MKLN1: variants seen among roughly 807,000 people sequenced by gnomAD.
The protein encoded by MKLN1 is muskelin.
In MKLN1, 18 loss-of-function variants were observed where a neutral mutation model predicts 99.0. The observed-to-expected ratio is 0.18, with a 90% CI of 0.13 to 0.27. The LOEUF (loss-of-function observed/expected upper bound fraction) is 0.27. Among genes scored for constraint, MKLN1 ranks in the 10% least tolerant of loss-of-function variants. MKLN1 has a pLI of 1.00. For synonymous variants in MKLN1, 288 were observed against 293.2 expected (o/e 0.98, Z 0.18); for missense variants, 621 against 875.9 (o/e 0.71, Z 3.67).
At chr7:131,294,762 C>T (rs933584005) in intron 3 of MKLN1, among the ~76,000 whole-genome samples, 1 of 152,206 alleles carries the variant, frequency 6.6e-6, no homozygotes, top group African/African-American at 2.4e-5. Flanking sequence ...AGCTTGTGTG[C>T]GTTTCCCAGA....
chr7:131,292,800 G>C (rs1472600739), intron 3 of MKLN1, among the ~76,000 whole-genome samples: 1 of 152,110 alleles, frequency 6.6e-6, no homozygotes, highest in East Asian at 1.9e-4. Context: ...GAAACTAATG[G>C]GGAACAGGAC....
At chr7:131,216,210 G>A (rs1584841647) in intron 3 of MKLN1, among the ~76,000 whole-genome samples, 1 of 151,976 alleles carries the variant, frequency 6.6e-6, no homozygotes, top group African/African-American at 2.4e-5. Flanking sequence ...GACTAGCCTG[G>A]CCAACATGGT....
intron 3 of MKLN1, among the ~76,000 whole-genome samples, chr7:131,251,689 T>C (rs1029453787): frequency 3.3e-5 from 5 of 149,976 alleles, no homozygotes; most frequent in African/African-American, 7.4e-5. Context: ...TTTTTTGAGA[T>C]AAGGTCTTAC....
chr7:131,208,874 G>C (rs1410713802), intron 3 of MKLN1, among the ~76,000 whole-genome samples: 2 of 152,178 alleles, frequency 1.3e-5, no homozygotes, highest in African/African-American at 4.8e-5. Flanking sequence ...AGGTAAATAT[G>C]ATGTGTTAGA....
At chr7:131,300,111 AGAT>A (rs941790264) in intron 3 of MKLN1, among the ~76,000 whole-genome samples, 3 of 152,140 alleles carry the variant, frequency 2.0e-5, no homozygotes, top group African/African-American at 7.2e-5. Flanking sequence ...GGAGTGGGAA[AGAT>A]GATGAAGCAG....
intron 3 of MKLN1, among the ~76,000 whole-genome samples, chr7:131,260,752 A>C (rs1026847857): frequency 8.5e-5 from 13 of 152,180 alleles, no homozygotes; most frequent in Admixed American, 8.5e-4. Flanking sequence ...AACAGAATAG[A>C]GAGGGCTACA....
At chr7:131,243,269 T>A (rs966812600) in intron 3 of MKLN1, among the ~76,000 whole-genome samples, 9 of 152,198 alleles carry the variant, frequency 5.9e-5, no homozygotes, top group South Asian at 4.1e-4. Flanking sequence ...TACACCTATG[T>A]CTAGCCATGT....
At chr7:131,182,420 GGAATCAGGA>G (rs1305189648) in intron 2 of MKLN1, among the ~76,000 whole-genome samples, 1 of 152,170 alleles carries the variant, frequency 6.6e-6, no homozygotes, top group East Asian at 1.9e-4. Context: ...AACTAGATGA[GGAATCAGGA>G]GTTTACATAA....
intron 2 of MKLN1, among the ~76,000 whole-genome samples, chr7:131,176,771 AT>A (rs2116347883): frequency 6.6e-6 from 1 of 152,330 alleles, no homozygotes; most frequent in South Asian, 2.1e-4. Flanking sequence ...GTGCTCTTGA[AT>A]TCTGTAGTAG....
At chr7:131,154,717 CAATT>C (rs1195102280) in intron 2 of MKLN1, among the ~76,000 whole-genome samples, 2 of 152,030 alleles carry the variant, frequency 1.3e-5, no homozygotes, top group Admixed American at 1.3e-4. Flanking sequence ...TGTGTAGCAT[CAATT>C]ATTTAGCTAT....
intron 3 of MKLN1, among the ~76,000 whole-genome samples, chr7:131,206,861 A>G (rs6954226): frequency 0.27 from 41,718 of 151,904 alleles, 6,515 homozygotes; most frequent in African/African-American, 0.43. Context: ...CTTCCTTACT[A>G]TAGTATATTT....
intron 2 of MKLN1, among the ~76,000 whole-genome samples, chr7:131,153,201 A>T (rs1795914676): frequency 6.6e-6 from 1 of 152,054 alleles, no homozygotes; most frequent in South Asian, 2.1e-4. Context: ...ATTTTTTGGC[A>T]TGTGCCAATG....
At chr7:131,141,386 A>C (rs1795730658) in intron 1 of MKLN1, among the ~76,000 whole-genome samples, 2 of 152,132 alleles carry the variant, frequency 1.3e-5, no homozygotes, top group South Asian at 4.1e-4. Context: ...ACTATCCACC[A>C]AGTTGTCTAA....
intron 1 of MKLN1, among the ~76,000 whole-genome samples, chr7:131,366,568 T>TG (rs1190596687): frequency 6.6e-6 from 1 of 152,164 alleles, no homozygotes; most frequent in Non-Finnish European, 1.5e-5. Flanking sequence ...CCCAGCACTT[T>TG]GGGAGGCTGA....
chr7:131,386,625 C>T (rs1170352529), intron 2 of MKLN1, among the ~76,000 whole-genome samples: 5 of 152,152 alleles, frequency 3.3e-5, no homozygotes, highest in Admixed American at 1.3e-4. Context: ...CTACATTAGA[C>T]GTATCTAGAG....
chr7:131,275,013 A>C (rs900838294), intron 3 of MKLN1, among the ~76,000 whole-genome samples: 2 of 152,208 alleles, frequency 1.3e-5, no homozygotes, highest in Non-Finnish European at 2.9e-5. Context: ...AAATGAGACC[A>C]AAGAATGAGC....
At position 131,440,715 on chromosome 7, in the gene MKLN1, C is replaced by CATAT. The variant is rs35344941; in HGVS notation, c.1173+2728_1173+2731dup. Among the ~76,000 whole-genome samples the CATAT allele has an allele frequency of 5.7e-3, 862 of 150,508 alleles. 10 individuals carry two copies. The highest frequency in any genetic ancestry group is 0.019 in the African/African-American group (800 of 41,046). Reference sequence around the variant, plus strand: ...GGGAAGGTAGGCAGAGGAGAGCCAACATATATATATATAACTGGAGACTTT... The same window carrying CATAT: ...GGGAAGGTAGGCAGAGGAGAGCCAACATATATATATATATATAACTGGAGACTTT... On this transcript the variant is annotated intron_variant, in intron 10 of 17. Transcript: ENST00000352689.
chr7:131,442,073 G>A (rs1795856387), intron 10 of MKLN1, among the ~76,000 whole-genome samples: 1 of 152,108 alleles, frequency 6.6e-6, no homozygotes, highest in Admixed American at 6.6e-5. Context: ...AGACATCTTT[G>A]TTTTTCAACC....
chr7:131,273,857 C>T (rs1036974661), intron 3 of MKLN1, among the ~76,000 whole-genome samples: 2 of 152,086 alleles, frequency 1.3e-5, no homozygotes, highest in South Asian at 2.1e-4. Flanking sequence ...GATCCTGCCT[C>T]GGCCTCTCAA....
Sources: gnomAD v4.1 joint callset for allele counts (sites outside exome capture counted in the v4.1 genomes callset) on GRCh38, gnomAD v4.1.1 for gene constraint, MANE v1.5 for transcripts, NCBI Gene and HGNC (gene_info 2026-07-23, HGNC 2026-07-21) for gene names.